FANCI: variants seen among roughly 807,000 people sequenced by gnomAD.
FANCI encodes the protein FA complementation group I.
Under a neutral mutation model 176.1 loss-of-function variants are expected in FANCI, and 156 were observed. The observed-to-expected ratio is 0.89, with a 90% confidence interval of 0.78 to 1.01. The LOEUF is 1.01. FANCI is among the 50% of genes least tolerant of loss of function. FANCI has a pLI of 0.00. For missense variants in FANCI, 1,678 were observed against 1,534.1 expected, an observed-to-expected ratio of 1.09 and a Z score of -1.57; for synonymous variants, 613 against 541.7, an observed-to-expected ratio of 1.13 and a Z score of -1.83.
intron 1 of FANCI, among the ~76,000 whole-genome samples, chr15:89,245,575 G>A (rs2051927907): frequency 6.6e-6 from 1 of 151,864 alleles, no homozygotes; most frequent in African/African-American, 2.4e-5. Context: ...AGATTGGGGG[G>A]CAGTGGATGG....
At chr15:89,248,135 G>A (rs774296819) in intron 2 of FANCI, among the ~76,000 whole-genome samples, 12 of 152,156 alleles carry the variant, frequency 7.9e-5, no homozygotes, top group Admixed American at 1.3e-4. Context: ...GTTTATAAGC[G>A]GCAAAATATT....
chr15:89,294,866 G>T, intron 23 of FANCI, 49 bp from the exon 24 acceptor site: 1 of 1,525,302 alleles, frequency 6.6e-7, no homozygotes, highest in African/African-American at 1.4e-5. Flanking sequence ...TATACCAATA[G>T]CAGTAAGGGA....
At chr15:89,264,959 T>G (rs2052876530) in intron 9 of FANCI, among the ~76,000 whole-genome samples, 1 of 152,118 alleles carries the variant, frequency 6.6e-6, no homozygotes, top group African/African-American at 2.4e-5. Context: ...GGAAAGAAAA[T>G]AAATAACAAG....
intron 6 of FANCI, among the ~76,000 whole-genome samples, chr15:89,262,590 A>G (rs1328348532): frequency 2.0e-5 from 3 of 152,196 alleles, no homozygotes; most frequent in Non-Finnish European, 4.4e-5. Flanking sequence ...CAAGAAGGGA[A>G]TACCCAAGAT....
intron 22 of FANCI, among the ~76,000 whole-genome samples, chr15:89,293,553 T>G (rs929782728): frequency 6.6e-6 from 1 of 152,146 alleles, no homozygotes; most frequent in African/African-American, 2.4e-5. Context: ...CAGGTGTTAG[T>G]GCCTGGGACC....
In FANCI at chr15:89,260,787, T is replaced by A; in HGVS notation, c.232T>A (p.Ser78Thr). 6.2e-7 allele frequency: 1 copy of A among 1,614,016 alleles called. No homozygotes were observed. Among genetic ancestry groups the A allele is most frequent in the Non-Finnish European group, 8.5e-7 (1 of 1,179,940 alleles). ...IYTCCIQLVESGDLQKEIASE... is the reference protein window; with the variant it reads ...IYTCCIQLVETGDLQKEIASE... ...CACTTGTTGTATCCAGTTGGTGGAA[T>A]CGGGGGATTTGCAGAAAGAAATAGC... Residue 78 changes from serine (S) to threonine (T), a missense_variant, in exon 4 of 38, where the codon TCG becomes ACG. This residue lies in a region of FANCI where 469 missense variants were observed against 436.9 expected (regional missense o/e 1.07). Coordinates refer to ENST00000310775, the MANE Select transcript of FANCI (RefSeq NM_001113378.2).
intron 1 of FANCI, among the ~76,000 whole-genome samples, chr15:89,246,231 C>G (rs2051963248): frequency 6.6e-6 from 1 of 152,110 alleles, no homozygotes; most frequent in Non-Finnish European, 1.5e-5. Flanking sequence ...TCCATTTCAT[C>G]CCATCTTTTC....
chr15:89,285,155 G>C lies in FANCI; in HGVS notation c.1758G>C (p.Glu586Asp), dbSNP rs763693040. ...NSVANETFCLEIMDSLRRCLS... is the reference protein window; with the variant it reads ...NSVANETFCLDIMDSLRRCLS... ...TCGCCAATGAAACTTTTTGCCTTGAGATCATGGATAGTTTGAGGAGATGCT... is the reference window on the plus strand; with the variant it reads ...TCGCCAATGAAACTTTTTGCCTTGACATCATGGATAGTTTGAGGAGATGCT... Residue 586 changes from glutamate (E) to aspartate (D), a missense_variant, in exon 18 of 38, where the codon GAG becomes GAC. Glu to Asp is a conservative substitution (Grantham distance 45). Transcript: ENST00000310775. 3.1e-6 allele frequency: 5 copies of C among 1,614,184 alleles called. No individual in the cohort carries two copies. The highest frequency in any genetic ancestry group is 1.7e-5 in the Admixed American group (1 of 60,030).
intron 34 of FANCI, among the ~76,000 whole-genome samples, chr15:89,309,746 T>A (rs2054881320): frequency 1.3e-5 from 2 of 152,152 alleles, no homozygotes; most frequent in South Asian, 4.1e-4. Flanking sequence ...TGCTGAGAGT[T>A]CCAACAGTAT....
At chr15:89,293,782 C>T in intron 22 of FANCI, 51 bp from the exon 23 acceptor site, 4 of 1,552,530 alleles carry the variant, frequency 2.6e-6, no homozygotes, top group Non-Finnish European at 1.8e-6. Context: ...TAAAAGTAAA[C>T]CACAATATTC....
At chr15:89,306,659 T>C (rs1004863690) in intron 32 of FANCI, among the ~76,000 whole-genome samples, 5 of 152,104 alleles carry the variant, frequency 3.3e-5, no homozygotes, top group African/African-American at 1.2e-4. Flanking sequence ...GCCACTGTAC[T>C]CCAGCGTTGG....
intron 36 of FANCI, 80 bp downstream of exon 36, chr15:89,314,787 A>G (rs2152019415): frequency 1.1e-6 from 1 of 948,848 alleles, no homozygotes; most frequent in Non-Finnish European, 1.7e-6. Context: ...CACAACTACA[A>G]TGGAGGAAAA....
In FANCI at chr15:89,264,030, C is replaced by A. The variant is rs1239070440; in HGVS notation, c.669+4C>A. ...GCTTCTGGTTCTCTCCTCCAAGGTA[C>A]AAATGGAAAATTGTTTCTCCTTAGT... On this transcript the variant is annotated splice_donor_region_variant and intron_variant, in intron 8 of 37. Transcript: ENST00000310775. 6.2e-7 allele frequency: 1 copy of A among 1,613,998 alleles called. No homozygotes were observed. Among genetic ancestry groups the A allele is most frequent in the South Asian group, 1.1e-5 (1 of 91,082 alleles).
At chr15:89,304,881 A>C (rs995256743) in intron 28 of FANCI, among the ~76,000 whole-genome samples, 1 of 152,040 alleles carries the variant, frequency 6.6e-6, no homozygotes, top group Non-Finnish European at 1.5e-5. Flanking sequence ...GGTTCAAGCA[A>C]TTCTCGTGCC....
At chr15:89,245,976 T>C (rs895681336) in intron 1 of FANCI, 3 of 152,230 alleles carry the variant, frequency 2.0e-5, no homozygotes, top group African/African-American at 7.2e-5. Context: ...AGTAGACAGA[T>C]TTGGGAGATA....
intron 34 of FANCI, among the ~76,000 whole-genome samples, chr15:89,310,898 G>A (rs1487555759): frequency 6.6e-6 from 1 of 152,170 alleles, no homozygotes; most frequent in Non-Finnish European, 1.5e-5. Flanking sequence ...GCCGAGGTGG[G>A]AGAATCACAA....
At chr15:89,303,607 A>AG (rs1341833556) in intron 27 of FANCI, among the ~76,000 whole-genome samples, 4 of 152,260 alleles carry the variant, frequency 2.6e-5, no homozygotes, top group Non-Finnish European at 4.4e-5. Context: ...GAGGAAGTTC[A>AG]GGTGTAAGGA....
Position 89,299,835 on chromosome 15 carries a change from C to A in FANCI, c.2672C>A (p.Ser891Ter). ...TGGAGATACACTTCAATTCCTACTT[C>A]AGTGGAAGAGTCGGGAAAGAAAGAG... is the stretch of plus-strand genomic sequence containing the variant. Reference protein sequence around the residue: ...LLWRYTSIPTSVEESGKKEKG... With the variant: ...LLWRYTSIPT Residue 891 changes from serine to a stop codon, truncating the protein, a stop_gained, in exon 25 of 38, where the codon TCA (serine) becomes TAA (stop). Transcript: ENST00000310775. LOFTEE classifies it high-confidence loss of function. 1 of 1,613,886 alleles carries A rather than the reference C, an allele frequency of 6.2e-7. No individual in the cohort carries two copies. Among genetic ancestry groups the A allele is most frequent in the South Asian group, 1.1e-5 (1 of 91,052 alleles).
chr15:89,314,747 C>T (rs2055136661), intron 36 of FANCI, 40 bp downstream of exon 36: 1 of 1,450,822 alleles, frequency 6.9e-7, no homozygotes, highest in African/African-American at 1.4e-5. Flanking sequence ...TCCCATTTAC[C>T]TTCTTGACAG....
Sources: gnomAD v4.1 joint callset for allele counts (sites outside exome capture counted in the v4.1 genomes callset) on GRCh38, gnomAD v4.1.1 for gene constraint, gnomAD v4.1.1 regional missense constraint, MANE v1.5 for transcripts, NCBI Gene and HGNC (gene_info 2026-07-23, HGNC 2026-07-21) for gene names.